Variants in RAB38 observed in about 807,000 individuals in gnomAD.
RAB38 encodes the protein ras-related protein Rab-38.
A neutral mutation model predicts 18.4 loss-of-function variants in RAB38; 15 were observed. The ratio of observed to expected loss-of-function variants is 0.82; its 90% CI spans 0.55 to 1.26. The LOEUF is 1.26. Ranked by LOEUF, RAB38 falls within the 50% of genes most tolerant of loss-of-function variation. The pLI is 0.00. For missense variants in RAB38, 294 were observed against 267.4 expected (o/e 1.10, Z -0.69); for synonymous variants, 101 against 104.4 (o/e 0.97, Z 0.20).
chr11:87,909,309 C>A, the RAB38 span, among the ~76,000 whole-genome samples: 1,146 of 134,076 alleles, frequency 8.5e-3, 38 homozygotes, highest in East Asian at 0.13. Context: ...TGGTTATATG[C>A]CCTTCCTATG....
At chr11:87,949,110 A>T in the RAB38 span, among the ~76,000 whole-genome samples, 1 of 152,108 alleles carries the variant, frequency 6.6e-6, no homozygotes, top group East Asian at 1.9e-4. Context: ...TTCCTGGTTT[A>T]GTCTTGGGAG....
At chr11:87,880,996 T>C in the RAB38 span, among the ~76,000 whole-genome samples, 24 of 151,872 alleles carry the variant, frequency 1.6e-4, no homozygotes, top group Non-Finnish European at 2.5e-4. Context: ...TGTTTTGTTT[T>C]AGCAACAGGA....
chr11:87,828,020 G>C, the RAB38 span, among the ~76,000 whole-genome samples: 1 of 152,156 alleles, frequency 6.6e-6, no homozygotes, highest in African/African-American at 2.4e-5. Flanking sequence ...TAATTTACCA[G>C]TGTTGGTTTC....
At chr11:87,814,733 T>C in the RAB38 span, among the ~76,000 whole-genome samples, 2 of 150,596 alleles carry the variant, frequency 1.3e-5, no homozygotes, top group East Asian at 3.9e-4. Flanking sequence ...ATTTTCTTTT[T>C]CTTTTTCTTT....
chr11:88,068,404 A>C, the RAB38 span, among the ~76,000 whole-genome samples: 1 of 152,226 alleles, frequency 6.6e-6, no homozygotes, highest in South Asian at 2.1e-4. Flanking sequence ...ATATGAACTT[A>C]TGCTATCTTT....
Position 88,173,882 on chromosome 11 carries a change from G to C in RAB38, c.202+1301C>G. ...TGGCAGTTCATGATTAAAGAGGCACGAAAGTCCCCAGATCACAAATGCCCT... is the reference window on the plus strand; with the variant it reads ...TGGCAGTTCATGATTAAAGAGGCACCAAAGTCCCCAGATCACAAATGCCCT... On this transcript the variant is annotated intron_variant, in intron 1 of 2. Coordinates refer to ENST00000243662, the MANE Select transcript of RAB38 (RefSeq NM_022337.3). 3 of 985,378 alleles carry C rather than the reference G, an allele frequency of 3.0e-6. No individual in the cohort carries two copies. In the South Asian group the frequency reaches 1.4e-4, roughly 46 times the overall value. The allele number at this position is 985,378 out of a possible 1,614,324, so 61.0% of individuals were successfully genotyped here.
At chr11:88,060,174 A>G in the RAB38 span, 1 of 152,172 alleles carries the variant, frequency 6.6e-6, no homozygotes, top group Non-Finnish European at 1.5e-5. Context: ...TCTTTCTGTA[A>G]GCACGTTTTT....
the RAB38 span, among the ~76,000 whole-genome samples, chr11:88,049,727 G>A: frequency 2.0e-5 from 3 of 151,950 alleles, no homozygotes; most frequent in African/African-American, 7.3e-5. Context: ...ATCCACCTAC[G>A]ACCTTGTTGC....
the RAB38 span, among the ~76,000 whole-genome samples, chr11:87,878,714 C>G: frequency 1.3e-5 from 2 of 151,728 alleles, no homozygotes; most frequent in African/African-American, 4.8e-5. Flanking sequence ...GTAAGCAAAT[C>G]ATAGCTTTTA....
the RAB38 span, among the ~76,000 whole-genome samples, chr11:88,028,577 A>G: frequency 1.3e-5 from 2 of 152,224 alleles, no homozygotes; most frequent in African/African-American, 4.8e-5. Flanking sequence ...AACTACATGA[A>G]GAATGCAGAA....
the RAB38 span, among the ~76,000 whole-genome samples, chr11:88,053,572 G>A: frequency 3.3e-5 from 5 of 151,136 alleles, no homozygotes; most frequent in South Asian, 2.1e-4. Context: ...ACAGCTGTGC[G>A]TCCAGTGAGA....
At chr11:87,878,301 CCTATCATCTAT>C in the RAB38 span, among the ~76,000 whole-genome samples, 6,214 of 124,344 alleles carry the variant, frequency 0.05, 346 homozygotes, top group Admixed American at 0.077. Context: ...TATCTATCTA[CCTATCATCTAT>C]CTATCATCTA....
the RAB38 span, among the ~76,000 whole-genome samples, chr11:87,859,371 C>G: frequency 4.0e-5 from 6 of 151,540 alleles, no homozygotes; most frequent in African/African-American, 1.5e-4. Context: ...TGTATGCACT[C>G]TAATATAATG....
At chr11:87,821,820 C>T in the RAB38 span, among the ~76,000 whole-genome samples, 1 of 149,778 alleles carries the variant, frequency 6.7e-6, no homozygotes, top group Non-Finnish European at 1.5e-5. Context: ...CACTTCACTC[C>T]ACCCTGGGCG....
At chr11:87,915,051 C>G in the RAB38 span, among the ~76,000 whole-genome samples, 1 of 152,168 alleles carries the variant, frequency 6.6e-6, no homozygotes, top group Non-Finnish European at 1.5e-5. Flanking sequence ...AGAATCCCCA[C>G]TAGGACAATA....
the RAB38 span, among the ~76,000 whole-genome samples, chr11:88,055,313 C>T: frequency 6.6e-6 from 1 of 152,162 alleles, no homozygotes; most frequent in African/African-American, 2.4e-5. Context: ...ATTATTATTA[C>T]AGATATTTCT....
At chr11:87,876,212 G>A in the RAB38 span, among the ~76,000 whole-genome samples, 1 of 151,556 alleles carries the variant, frequency 6.6e-6, no homozygotes, top group Non-Finnish European at 1.5e-5. Context: ...GATGATCTTA[G>A]CTGATGCCCT....
chr11:88,125,618 C>G (rs7395725), intron 2 of RAB38, among the ~76,000 whole-genome samples: 1 of 151,930 alleles, frequency 6.6e-6, no homozygotes, highest in African/African-American at 2.4e-5. Context: ...GATATTAGCC[C>G]TTTGTCAGAT....
intron 1 of RAB38, chr11:88,167,634 G>C (rs1943260566): frequency 6.6e-6 from 1 of 152,154 alleles, no homozygotes; most frequent in South Asian, 2.1e-4. Context: ...GTACTTGAGA[G>C]TGGGCAATGA....
Sources: gnomAD v4.1 joint callset for allele counts (sites outside exome capture counted in the v4.1 genomes callset) on GRCh38, gnomAD v4.1.1 for gene constraint, MANE v1.5 for transcripts, NCBI Gene and HGNC (gene_info 2026-07-23, HGNC 2026-07-21) for gene names.